PRR5L: variants seen among roughly 807,000 people sequenced by gnomAD.
PRR5L encodes proline-rich protein 5-like.
In PRR5L, 21 loss-of-function variants were observed where a neutral mutation model predicts 36.4. The observed-to-expected ratio is 0.58, with a 90% CI of 0.41 to 0.83. The LOEUF (loss-of-function observed/expected upper bound fraction) is 0.83. Ranked by LOEUF, PRR5L falls within the 40% of genes least tolerant of loss-of-function variation. The pLI is 0.00. For synonymous variants in PRR5L, 188 were observed against 197.0 expected (o/e 0.95, Z 0.38); for missense variants, 381 against 473.3 (o/e 0.80, Z 1.81).
At chr11:36,358,806 G>A (rs1441072675) in intron 1 of PRR5L, among the ~76,000 whole-genome samples, 1 of 152,186 alleles carries the variant, frequency 6.6e-6, no homozygotes, top group Non-Finnish European at 1.5e-5. Flanking sequence ...GTAAGAAAAA[G>A]GGCTGGCAAA....
intron 7 of PRR5L, among the ~76,000 whole-genome samples, chr11:36,448,041 C>T (rs527582180): frequency 1.4e-4 from 22 of 152,152 alleles, no homozygotes; most frequent in African/African-American, 4.8e-4. Context: ...GTGTTTTGGG[C>T]GGTGGCGGTT....
At chr11:36,451,689 T>C (rs1858948501) in intron 8 of PRR5L, among the ~76,000 whole-genome samples, 1 of 152,186 alleles carries the variant, frequency 6.6e-6, no homozygotes, top group African/African-American at 2.4e-5. Context: ...TGTTACACCC[T>C]CCCTCTGGTT....
intron 1 of PRR5L, among the ~76,000 whole-genome samples, chr11:36,311,298 C>G (rs1300059219): frequency 6.6e-6 from 1 of 152,166 alleles, no homozygotes; most frequent in African/African-American, 2.4e-5. Context: ...GGTGACATAT[C>G]TAGCACCAAC....
At chr11:36,346,725 TA>T (rs1856869744) in intron 1 of PRR5L, among the ~76,000 whole-genome samples, 1 of 152,200 alleles carries the variant, frequency 6.6e-6, no homozygotes. Context: ...AGATAGCTTT[TA>T]AAAGAATATT....
rs1856331997 is a variant in PRR5L, at chr11:36,298,048, A to G, written c.-126+1610A>G. Among the ~76,000 whole-genome samples the G allele has an allele frequency of 2.0e-5, 3 of 152,280 alleles. No homozygotes were observed. In the South Asian group the frequency reaches 6.2e-4, roughly 32 times the overall value. On this transcript the variant is annotated intron_variant, in intron 1 of 8. Transcript: ENST00000530639. ...TCTTGTGGATACTTCAGAGAGCACCATTATTTCTCATCTTTGGGGATCTCT... is the reference window on the plus strand; with the variant it reads ...TCTTGTGGATACTTCAGAGAGCACCGTTATTTCTCATCTTTGGGGATCTCT...
chr11:36,444,041 T>A (rs1253639221), intron 6 of PRR5L, among the ~76,000 whole-genome samples: 1 of 152,222 alleles, frequency 6.6e-6, no homozygotes, highest in Non-Finnish European at 1.5e-5. Flanking sequence ...TGCAGGAGAA[T>A]AATCTGGATA....
chr11:36,399,031 T>C (rs754542927), intron 1 of PRR5L, among the ~76,000 whole-genome samples: 1 of 152,252 alleles, frequency 6.6e-6, no homozygotes, highest in Non-Finnish European at 1.5e-5. Flanking sequence ...GTGTGACCTT[T>C]ACTGGGTGAG....
rs538534501 is a variant in PRR5L, at chr11:36,341,278, C to T, written c.-126+44840C>T. Among the ~76,000 whole-genome samples, 11 of 152,256 alleles carry T rather than the reference C, an allele frequency of 7.2e-5. 1 individual carries two copies. The South Asian group carries it at 1.0e-3, about 14-fold the overall frequency. On this transcript the variant is annotated intron_variant, in intron 1 of 8. Coordinates refer to ENST00000530639, the MANE Select transcript of PRR5L (RefSeq NM_001160167.2). Reference sequence around the variant, plus strand: ...GCCATGGGAAAGTGAGCCCTCTATACGCTTGGCTCAAGTCAGAATTTCATT... The same window carrying T: ...GCCATGGGAAAGTGAGCCCTCTATATGCTTGGCTCAAGTCAGAATTTCATT...
intron 6 of PRR5L, among the ~76,000 whole-genome samples, chr11:36,438,187 A>C (rs539387860): frequency 6.6e-6 from 1 of 152,338 alleles, no homozygotes; most frequent in South Asian, 2.1e-4. Context: ...GGTCACTGCC[A>C]GGTTGAAGCC....
intron 1 of PRR5L, among the ~76,000 whole-genome samples, 178 bp downstream of exon 1, chr11:36,296,616 C>A (rs943816452): frequency 1.3e-5 from 2 of 152,198 alleles, no homozygotes; most frequent in African/African-American, 4.8e-5. Flanking sequence ...AGCAGCCTCC[C>A]AGTTAGAAAA....
intron 1 of PRR5L, chr11:36,380,414 A>G (rs1055488876): frequency 1.1e-4 from 16 of 152,250 alleles, no homozygotes; most frequent in African/African-American, 3.9e-4. Context: ...GTCAATATAA[A>G]TTAGGGAGCC....
intron 1 of PRR5L, among the ~76,000 whole-genome samples, chr11:36,320,458 C>A (rs948418716): frequency 6.6e-6 from 1 of 151,830 alleles, no homozygotes; most frequent in African/African-American, 2.4e-5. Context: ...GAGTGCCAAG[C>A]TTTGGTGGCT....
chr11:36,414,339 A>T (rs1160500023), intron 3 of PRR5L, among the ~76,000 whole-genome samples: 2 of 148,956 alleles, frequency 1.3e-5, no homozygotes, highest in African/African-American at 5.0e-5. Context: ...AACAGTGTAA[A>T]AGTGTTCCTA....
intron 1 of PRR5L, among the ~76,000 whole-genome samples, chr11:36,318,509 T>C (rs1856580891): frequency 6.6e-6 from 1 of 152,164 alleles, no homozygotes; most frequent in African/African-American, 2.4e-5. Context: ...TCAACATGCC[T>C]GAGAGGGATG....
chr11:36,371,983 A>C (rs1156878242), intron 1 of PRR5L, among the ~76,000 whole-genome samples: 1 of 152,198 alleles, frequency 6.6e-6, no homozygotes, highest in Non-Finnish European at 1.5e-5. Context: ...ACTTGAACCC[A>C]GGAGGCAGAA....
chr11:36,458,592 G>A (rs57910561), intron 8 of PRR5L, among the ~76,000 whole-genome samples: 23,181 of 152,284 alleles, frequency 0.15, 1,965 homozygotes, highest in Non-Finnish European at 0.18. Context: ...ACAACAGTCC[G>A]ATGACGGGAG....
At position 36,336,143 on chromosome 11, in the gene PRR5L, T is replaced by C. The variant is rs115440896; in HGVS notation, c.-126+39705T>C. Among the ~76,000 whole-genome samples the C allele has an allele frequency of 6.4e-3, 970 of 152,322 alleles. 15 individuals are homozygous for C. The highest frequency in any genetic ancestry group is 0.022 in the African/African-American group (918 of 41,568). Reference sequence around the variant, plus strand: ...GGCTGATTTTGTATCACCCTCACCATTTTTGCCATATCTGCCAACCAACCA... The same window carrying C: ...GGCTGATTTTGTATCACCCTCACCACTTTTGCCATATCTGCCAACCAACCA... On this transcript the variant is annotated intron_variant, in intron 1 of 8. Coordinates refer to ENST00000530639, the MANE Select transcript of PRR5L (RefSeq NM_001160167.2).
chr11:36,412,341 C>A (rs1858044585), intron 3 of PRR5L, among the ~76,000 whole-genome samples: 3 of 152,130 alleles, frequency 2.0e-5, no homozygotes, highest in African/African-American at 7.2e-5. Flanking sequence ...CCAGCAAGTG[C>A]TCAATAAACT....
At chr11:36,460,794 C>A (rs1236916117) in intron 8 of PRR5L, among the ~76,000 whole-genome samples, 1 of 152,194 alleles carries the variant, frequency 6.6e-6, no homozygotes, top group African/African-American at 2.4e-5. Context: ...GACCTGGTAC[C>A]ACAGGTGCTT....
Sources: allele counts gnomAD v4.1 joint callset (sites outside exome capture counted in the v4.1 genomes callset), GRCh38; gene constraint gnomAD v4.1.1; transcripts MANE v1.5; gene names NCBI Gene and HGNC (gene_info 2026-07-23, HGNC 2026-07-21).